Variants in ADGRL2 observed in about 807,000 individuals in gnomAD.
The protein encoded by ADGRL2 is adhesion G protein-coupled receptor L2.
Under a neutral mutation model 157.4 loss-of-function variants are expected in ADGRL2, and 44 were observed. The observed-to-expected ratio is 0.28, with a 90% CI of 0.22 to 0.36. ADGRL2 has a LOEUF of 0.36. Among genes scored for constraint, ADGRL2 ranks in the 10% least tolerant of loss-of-function variants. The probability of loss-of-function intolerance (pLI) is 1.00; values close to 1 mark genes in which losing one functional copy is unlikely to be tolerated. For missense variants in ADGRL2, 1,510 were observed against 1,768.9 expected (o/e 0.85, Z 2.63); for synonymous variants, 585 against 624.7 (o/e 0.94, Z 0.95).
At chr1:81,418,614 C>A (rs1271513698) in intron 1 of ADGRL2, among the ~76,000 whole-genome samples, 1 of 151,748 alleles carries the variant, frequency 6.6e-6, no homozygotes, top group Non-Finnish European at 1.5e-5. Context: ...AATACCCAGG[C>A]GTGGTGGCAG....
intron 3 of ADGRL2, among the ~76,000 whole-genome samples, chr1:81,630,227 A>G (rs969980535): frequency 6.6e-6 from 1 of 152,098 alleles, no homozygotes; most frequent in Non-Finnish European, 1.5e-5. Flanking sequence ...GAGAGAAAGC[A>G]AGGCAAAGCT....
intron 23 of ADGRL2, 187 bp from the exon 24 acceptor site, chr1:81,990,204 T>A: frequency 4.1e-6 from 4 of 985,412 alleles, no homozygotes; most frequent in Non-Finnish European, 4.8e-6. Flanking sequence ...TTTAACACTT[T>A]TTCCTGTTAT....
At chr1:81,366,487 G>T (rs2076069213) in intron 1 of ADGRL2, among the ~76,000 whole-genome samples, 1 of 152,066 alleles carries the variant, frequency 6.6e-6, no homozygotes, top group Non-Finnish European at 1.5e-5. Context: ...CAAATGGTAG[G>T]TTTCTATCTA....
intron 3 of ADGRL2, among the ~76,000 whole-genome samples, chr1:81,907,550 T>C (rs988970405): frequency 2.0e-5 from 3 of 152,132 alleles, no homozygotes; most frequent in Non-Finnish European, 2.9e-5. Flanking sequence ...AAATACTTTT[T>C]GTAACATCAA....
In ADGRL2 at chr1:81,306,877, A is replaced by ATT. The variant is rs56040898; in HGVS notation, c.-302+377_-302+378dup. On this transcript the variant is annotated intron_variant, in intron 1 of 24. Coordinates refer to the ADGRL2 transcript ENST00000370721. ...CAAGTGTAAAATTCAACCGTAACAA[A>ATT]TTTTTTTTTTAACCTGGAGCCCTCC... 4.9e-3 allele frequency among the ~76,000 whole-genome samples: 744 copies of ATT among 151,110 alleles called. 6 individuals carry two copies. Among genetic ancestry groups the ATT allele is most frequent in the African/African-American group, 0.016 (651 of 41,328 alleles).
chr1:81,575,434 TGCTAATCATTTCGTATAAATCACTGTTA>T (rs376426016), intron 2 of ADGRL2, among the ~76,000 whole-genome samples: 4,465 of 152,262 alleles, frequency 0.029, 98 homozygotes, highest in Non-Finnish European at 0.042. Context: ...AGAAACAGTC[TGCTAATCATTTCGTATAAATCACTGTTA>T]GCGGCAGTAT....
chr1:81,498,022 T>C (rs553181684), intron 2 of ADGRL2, among the ~76,000 whole-genome samples: 89 of 152,254 alleles, frequency 5.8e-4, no homozygotes, highest in Non-Finnish European at 7.8e-4. Flanking sequence ...CTGGCTAACA[T>C]GGTGAAACCT....
chr1:81,466,673 G>GCA (rs1375772374), intron 2 of ADGRL2, among the ~76,000 whole-genome samples: 44 of 43,018 alleles, frequency 1.0e-3, no homozygotes, highest in African/African-American at 2.0e-3. Flanking sequence ...TCTCTCTCAC[G>GCA]CGCGCGCACA....
At chr1:81,562,117 TG>T (rs1467031733) in intron 2 of ADGRL2, among the ~76,000 whole-genome samples, 1 of 152,178 alleles carries the variant, frequency 6.6e-6, no homozygotes, top group African/African-American at 2.4e-5. Context: ...TACATAGTTC[TG>T]GTTGCAAGGA....
At chr1:81,623,102 T>C (rs1013056534) in intron 3 of ADGRL2, among the ~76,000 whole-genome samples, 4 of 152,326 alleles carry the variant, frequency 2.6e-5, no homozygotes, top group Admixed American at 6.5e-5. Context: ...AACAATTCTT[T>C]ATTGCTCTAA....
At chr1:81,548,614 A>G (rs1483243274) in intron 2 of ADGRL2, among the ~76,000 whole-genome samples, 2 of 151,986 alleles carry the variant, frequency 1.3e-5, no homozygotes, top group African/African-American at 2.4e-5. Flanking sequence ...TCCTCTCAGA[A>G]CTTGTATCTA....
At chr1:81,466,070 G>GT (rs2078045767) in intron 2 of ADGRL2, among the ~76,000 whole-genome samples, 1 of 152,246 alleles carries the variant, frequency 6.6e-6, no homozygotes, top group Non-Finnish European at 1.5e-5. Flanking sequence ...ATGTGTCAGA[G>GT]AAGTATTGTA....
At chr1:81,649,668 A>G (rs926303927) in intron 3 of ADGRL2, among the ~76,000 whole-genome samples, 1 of 152,184 alleles carries the variant, frequency 6.6e-6, no homozygotes, top group Non-Finnish European at 1.5e-5. Context: ...GCTAAATACA[A>G]GTATTATTTA....
At chr1:81,438,445 CTATTA>C (rs1358813923) in intron 1 of ADGRL2, among the ~76,000 whole-genome samples, 2 of 152,140 alleles carry the variant, frequency 1.3e-5, no homozygotes, top group East Asian at 1.9e-4. Flanking sequence ...GTGTTTTTAT[CTATTA>C]TATCAACATG....
rs764455185 is a variant in ADGRL2, at chr1:81,951,063, C to G, written c.1550C>G (p.Pro517Arg). The G allele has an allele frequency of 4.3e-6, 7 of 1,613,532 alleles. No individual in the cohort carries two copies. In the East Asian group the frequency reaches 1.6e-4, roughly 36 times the overall value. ...LCMISTGTWNPKGPDLSNCTS... is the reference protein window; with the variant it reads ...LCMISTGTWNRKGPDLSNCTS... ...ATGATTTCCACTGGAACATGGAACC[C>G]TAAGGGCCCCGATCTTAGCAACTGT... Residue 517 changes from proline to arginine, a missense_variant, in exon 8 of 24, where the codon CCT (proline) becomes CGT (arginine). This residue lies in a region of ADGRL2 where 325 missense variants were observed against 333.2 expected (regional missense o/e 0.98). Transcript: ENST00000686636.
chr1:81,564,057 C>G (rs376594956), intron 2 of ADGRL2, among the ~76,000 whole-genome samples: 12 of 152,300 alleles, frequency 7.9e-5, no homozygotes, highest in African/African-American at 2.6e-4. Context: ...AATCCACACA[C>G]AGCCCAGATG....
At chr1:81,560,545 T>G (rs1478997179) in intron 2 of ADGRL2, among the ~76,000 whole-genome samples, 1 of 152,180 alleles carries the variant, frequency 6.6e-6, no homozygotes, top group African/African-American at 2.4e-5. Flanking sequence ...TTTGCACATA[T>G]GTGTTGGGAA....
chr1:81,854,571 T>G (rs1011886778), intron 2 of ADGRL2, among the ~76,000 whole-genome samples: 4 of 152,174 alleles, frequency 2.6e-5, no homozygotes, highest in African/African-American at 9.7e-5. Context: ...TGTTTAAACA[T>G]TTATTAATCA....
At chr1:81,935,485 C>T (rs905390112) in intron 3 of ADGRL2, among the ~76,000 whole-genome samples, 3 of 151,888 alleles carry the variant, frequency 2.0e-5, no homozygotes, top group African/African-American at 7.2e-5. Context: ...GTTGAAATGG[C>T]ACCAAAGTAT....
Sources: allele counts gnomAD v4.1 joint callset (sites outside exome capture counted in the v4.1 genomes callset), GRCh38; gene constraint gnomAD v4.1.1; regional missense constraint gnomAD v4.1.1; transcripts MANE v1.5; gene names NCBI Gene and HGNC (gene_info 2026-07-23, HGNC 2026-07-21).